The following NELL2 variants were observed in gnomAD, a reference collection of about 807,000 sequenced individuals.
NELL2 encodes the protein protein kinase C-binding protein NELL2.
Under a neutral mutation model 109.6 loss-of-function variants are expected in NELL2, and 41 were observed. The observed-to-expected ratio is 0.37, with a 90% CI of 0.29 to 0.49. The LOEUF (loss-of-function observed/expected upper bound fraction) is 0.49, where lower values mean the gene tolerates loss of function less well. Among genes scored for constraint, NELL2 ranks in the 20% least tolerant of loss-of-function variants. NELL2 has a pLI of 0.98. For missense variants in NELL2, 900 were observed against 1,008.3 expected (o/e 0.89, Z 1.45); for synonymous variants, 355 against 344.7 (o/e 1.03, Z -0.33).
intron 9 of NELL2, among the ~76,000 whole-genome samples, chr12:44,773,331 C>A (rs1283138265): frequency 6.6e-6 from 1 of 152,014 alleles, no homozygotes; most frequent in Non-Finnish European, 1.5e-5. Flanking sequence ...AAAAAATTAG[C>A]CCGGCGTAGT....
At chr12:44,591,741 C>T (rs1944759665) in intron 15 of NELL2, among the ~76,000 whole-genome samples, 1 of 151,970 alleles carries the variant, frequency 6.6e-6, no homozygotes, top group African/African-American at 2.4e-5. Context: ...TGTATATTTT[C>T]AAATAGCTAG....
chr12:44,695,856 T>C (rs1437088596), intron 12 of NELL2, among the ~76,000 whole-genome samples: 1 of 152,106 alleles, frequency 6.6e-6, no homozygotes, highest in Non-Finnish European at 1.5e-5. Flanking sequence ...TGGTGGTGCA[T>C]GCCTGTAGGC....
chr12:44,791,093 A>ACG lies in NELL2; in HGVS notation c.336-11072_336-11071insCG, dbSNP rs1555217693. Among the ~76,000 whole-genome samples, 8 of 14,454 alleles carry ACG rather than the reference A, an allele frequency of 5.5e-4. No individual in the cohort carries two copies. The Admixed American group carries it at 0.01, about 18-fold the overall frequency. The allele number at this position is 14,454 out of a possible 152,430, so 9.5% of individuals were successfully genotyped here. A position where few individuals can be genotyped will look rare whatever the true frequency, so the allele number is the denominator to read the frequency against. On this transcript the variant is annotated intron_variant, in intron 3 of 19. Transcript: ENST00000429094. ...TATATATATATATACATATATATAT[A>ACG]TATGTATATATATATGTATATATAT... is the stretch of plus-strand genomic sequence containing the variant.
Position 44,875,238 on chromosome 12 carries a change from G to C in NELL2, c.171C>G (p.Ala57=). Residue 57 remains alanine, a synonymous_variant, in exon 2 of 20, where the codon GCC becomes GCG. Transcript: ENST00000429094. ...CGCCGGGCATACCTTGAAAGAGAAA[G>C]GCTTTCGTCCCATTATGCAGCCCCG... ...QVPGLHNGTK[A]FLFQDTPRSI... 6 of 1,612,920 alleles carry C rather than the reference G, an allele frequency of 3.7e-6. No individual in the cohort carries two copies. The highest frequency in any genetic ancestry group is 5.1e-6 in the Non-Finnish European group (6 of 1,179,262).
At chr12:44,644,584 A>G (rs891961763) in intron 13 of NELL2, among the ~76,000 whole-genome samples, 2 of 90,110 alleles carry the variant, frequency 2.2e-5, no homozygotes, top group Non-Finnish European at 3.9e-5. Context: ...AGTAAAGTAT[A>G]TATATATATA....
intron 9 of NELL2, among the ~76,000 whole-genome samples, chr12:44,744,002 T>G (rs1183725174): frequency 6.6e-6 from 1 of 152,070 alleles, no homozygotes; most frequent in African/African-American, 2.4e-5. Flanking sequence ...TATACATTTT[T>G]TTCAGCACCA....
At chr12:44,539,327 A>G (rs1942436441) in intron 15 of NELL2, among the ~76,000 whole-genome samples, 1 of 152,176 alleles carries the variant, frequency 6.6e-6, no homozygotes, top group Non-Finnish European at 1.5e-5. Flanking sequence ...TCTCAGCAAC[A>G]CAACACAACA....
At chr12:44,673,379 C>T (rs902946017) in intron 12 of NELL2, among the ~76,000 whole-genome samples, 5 of 152,164 alleles carry the variant, frequency 3.3e-5, no homozygotes, top group Non-Finnish European at 5.9e-5. Flanking sequence ...ATTTTCAATT[C>T]TCTACACATT....
intron 9 of NELL2, among the ~76,000 whole-genome samples, chr12:44,740,799 A>G (rs1038488108): frequency 1.3e-5 from 2 of 152,184 alleles, no homozygotes. Context: ...GAATTTTAGA[A>G]AGAGGCAGGG....
At position 44,896,303 on chromosome 12, in the gene NELL2, T is replaced by C. The variant is rs142184814; in HGVS notation, c.38+17496A>G. Among the ~76,000 whole-genome samples the C allele has an allele frequency of 3.5e-4, 54 of 152,294 alleles. 1 individual carries two copies. Among genetic ancestry groups the C allele is most frequent in the African/African-American group, 1.3e-3 (53 of 41,566 alleles). ...GTTTAAAAAAAGAAGAAAATGTATA[T>C]TTTAGTTCAAGATATCCAGCTGAGG... On this transcript the variant is annotated intron_variant, in intron 1 of 20. Coordinates refer to the NELL2 transcript ENST00000333837.
intron 10 of NELL2, among the ~76,000 whole-genome samples, chr12:44,714,259 G>C (rs1004767269): frequency 6.6e-6 from 1 of 151,794 alleles, no homozygotes; most frequent in Non-Finnish European, 1.5e-5. Context: ...ATTTTAGTTA[G>C]GTAATTTTTC....
chr12:44,605,698 C>T (rs1438639846), intron 15 of NELL2, among the ~76,000 whole-genome samples: 1 of 152,104 alleles, frequency 6.6e-6, no homozygotes, highest in Non-Finnish European at 1.5e-5. Context: ...TTTCAAAATT[C>T]CACACCATTA....
intron 14 of NELL2, among the ~76,000 whole-genome samples, chr12:44,607,578 C>G (rs1488647035): frequency 6.6e-6 from 1 of 151,928 alleles, no homozygotes; most frequent in Non-Finnish European, 1.5e-5. Context: ...AACAATCCAC[C>G]TTGAAAATAA....
chr12:44,512,310 T>TTA (rs776895919), intron 19 of NELL2, among the ~76,000 whole-genome samples: 1 of 152,108 alleles, frequency 6.6e-6, no homozygotes, highest in Non-Finnish European at 1.5e-5. Context: ...ACAGCTTTTA[T>TTA]TAAAAAGGAA....
chr12:44,799,478 C>G (rs1029017545), intron 3 of NELL2, among the ~76,000 whole-genome samples: 1 of 146,478 alleles, frequency 6.8e-6, no homozygotes, highest in Non-Finnish European at 1.5e-5. Flanking sequence ...CACTAATTCT[C>G]CAAGTTGGTG....
At chr12:44,625,725 C>G (rs1946234233) in intron 13 of NELL2, among the ~76,000 whole-genome samples, 1 of 152,106 alleles carries the variant, frequency 6.6e-6, no homozygotes. Context: ...TAGATTTAAA[C>G]TCCTGGACTC....
intron 15 of NELL2, among the ~76,000 whole-genome samples, chr12:44,595,150 T>G (rs17094843): frequency 0.016 from 2,490 of 152,334 alleles, 51 homozygotes; most frequent in African/African-American, 0.057. Context: ...CAAGCAACTG[T>G]AGTCAACTAA....
At chr12:44,738,451 T>A (rs1258542070) in intron 9 of NELL2, among the ~76,000 whole-genome samples, 3 of 150,544 alleles carry the variant, frequency 2.0e-5, no homozygotes, top group African/African-American at 4.9e-5. Context: ...TGTGATTACA[T>A]ACACACAATG....
chr12:44,654,356 TAC>T (rs1433978522), intron 13 of NELL2, among the ~76,000 whole-genome samples: 2 of 152,216 alleles, frequency 1.3e-5, no homozygotes. Flanking sequence ...TTCAACCTGA[TAC>T]AGTTTATCTG....
Sources: gnomAD v4.1 joint callset for allele counts (sites outside exome capture counted in the v4.1 genomes callset) on GRCh38, gnomAD v4.1.1 for gene constraint, MANE v1.5 for transcripts, NCBI Gene and HGNC (gene_info 2026-07-23, HGNC 2026-07-21) for gene names.